Variants in KIF16B observed in about 807,000 individuals in gnomAD.
KIF16B encodes the protein kinesin family member 16B.
KIF16B carries 98 observed loss-of-function variants against 156.3 expected under a neutral mutation model. That is an observed-to-expected ratio of 0.63 (90% confidence interval 0.53 to 0.74). The LOEUF (loss-of-function observed/expected upper bound fraction) is 0.74, where lower values mean the gene tolerates loss of function less well. KIF16B is among the 30% of genes least tolerant of loss of function. The probability of loss-of-function intolerance (pLI) is 0.00; values close to 1 mark genes in which losing one functional copy is unlikely to be tolerated. For missense variants in KIF16B, 1,421 were observed against 1,606.5 expected (o/e 0.88, Z 1.97); for synonymous variants, 564 against 583.7 (o/e 0.97, Z 0.49).
intron 1 of KIF16B, among the ~76,000 whole-genome samples, chr20:16,531,653 C>T (rs2069754161): frequency 6.6e-6 from 1 of 152,182 alleles, no homozygotes; most frequent in African/African-American, 2.4e-5. Context: ...TCGGTAAAAT[C>T]CAGCCTGTGG....
At chr20:16,449,607 T>G (rs1356857274) in intron 12 of KIF16B, among the ~76,000 whole-genome samples, 2 of 151,984 alleles carry the variant, frequency 1.3e-5, no homozygotes, top group Non-Finnish European at 2.9e-5. Context: ...CTAAACCGAG[T>G]GGAAGCAAGC....
chr20:16,516,804 G>C (rs1256197870), intron 3 of KIF16B, among the ~76,000 whole-genome samples: 1 of 152,182 alleles, frequency 6.6e-6, no homozygotes, highest in Non-Finnish European at 1.5e-5. Flanking sequence ...CCAATGGCCA[G>C]GCCAGTAACC....
intron 1 of KIF16B, among the ~76,000 whole-genome samples, chr20:16,529,690 G>A (rs1473732504): frequency 6.6e-6 from 1 of 152,218 alleles, no homozygotes; most frequent in African/African-American, 2.4e-5. Flanking sequence ...GGTGGCTCAC[G>A]CCTGTAATCC....
At chr20:16,423,981 T>G (rs557941681) in intron 15 of KIF16B, among the ~76,000 whole-genome samples, 2 of 152,104 alleles carry the variant, frequency 1.3e-5, no homozygotes, top group African/African-American at 4.8e-5. Flanking sequence ...CAACCAATTA[T>G]GGTCACTTCC....
chr20:16,553,285 G>A lies in KIF16B; in HGVS notation c.47+19944C>T, dbSNP rs114730762. On this transcript the variant is annotated intron_variant, in intron 1 of 25. Transcript: ENST00000354981. ...CCTCAGTGCTGATGTCCTCTAGGGT[G>A]TTTCTCCAGCCCTCCCAAGGAGCTC... Among the ~76,000 whole-genome samples, 635 of 152,270 alleles carry A rather than the reference G, an allele frequency of 4.2e-3. 8 individuals are homozygous for A. Among genetic ancestry groups the A allele is most frequent in the African/African-American group, 0.014 (602 of 41,550 alleles).
intron 25 of KIF16B, among the ~76,000 whole-genome samples, chr20:16,280,841 C>CGT (rs1555833614): frequency 0.025 from 1,847 of 74,430 alleles, 19 homozygotes; most frequent in African/African-American, 0.029. Flanking sequence ...TGCGCGCGCA[C>CGT]GTGTGTGTGT....
chr20:16,453,983 C>T (rs887483059), intron 12 of KIF16B, among the ~76,000 whole-genome samples: 15 of 152,142 alleles, frequency 9.9e-5, no homozygotes, highest in South Asian at 2.1e-4. Flanking sequence ...CATGCACACA[C>T]GCATTATTCT....
intron 15 of KIF16B, among the ~76,000 whole-genome samples, chr20:16,407,215 C>T (rs768099959): frequency 2.0e-5 from 3 of 152,154 alleles, no homozygotes; most frequent in Non-Finnish European, 2.9e-5. Context: ...CTGTCTAAAG[C>T]GGGCACAGGT....
chr20:16,571,580 C>T (rs1600723220), intron 1 of KIF16B, among the ~76,000 whole-genome samples: 1 of 152,124 alleles, frequency 6.6e-6, no homozygotes, highest in East Asian at 1.9e-4. Flanking sequence ...CCCTTGTATC[C>T]CAGACAGCAC....
chr20:16,416,186 T>C (rs1473144148), intron 15 of KIF16B, among the ~76,000 whole-genome samples: 1 of 152,216 alleles, frequency 6.6e-6, no homozygotes, highest in Non-Finnish European at 1.5e-5. Context: ...TATATTTTCT[T>C]TTGCTGTGCA....
chr20:16,572,172 G>C (rs2071480837), intron 1 of KIF16B, among the ~76,000 whole-genome samples: 1 of 152,100 alleles, frequency 6.6e-6, no homozygotes, highest in African/African-American at 2.4e-5. Context: ...GAAAACACTG[G>C]GTTTTAATGA....
intron 24 of KIF16B, among the ~76,000 whole-genome samples, chr20:16,313,775 T>G (rs2063656643): frequency 6.6e-6 from 1 of 152,232 alleles, no homozygotes; most frequent in Non-Finnish European, 1.5e-5. Flanking sequence ...AGTTTGCTCA[T>G]TTTCACTGCA....
chr20:16,378,387 G>A (rs1268200952), intron 19 of KIF16B, among the ~76,000 whole-genome samples: 4 of 151,856 alleles, frequency 2.6e-5, no homozygotes, highest in African/African-American at 9.7e-5. Context: ...TAGATGCAAT[G>A]GAAGGGAGAG....
At chr20:16,359,643 T>C (rs2064512173) in intron 22 of KIF16B, among the ~76,000 whole-genome samples, 1 of 120,850 alleles carries the variant, frequency 8.3e-6, no homozygotes, top group Non-Finnish European at 1.6e-5. Flanking sequence ...CTCAGGATCA[T>C]AGATTCTTTA....
At chr20:16,273,469 T>A in intron 25 of KIF16B, 58 bp from the exon 26 acceptor site, 1 of 1,467,436 alleles carries the variant, frequency 6.8e-7, no homozygotes, top group Non-Finnish European at 9.5e-7. Context: ...GCGGGTGGGA[T>A]CGCTTGAGCT....
chr20:16,409,196 AAACAAGCTCTGAG>A (rs1191552570), intron 15 of KIF16B, among the ~76,000 whole-genome samples: 33 of 152,250 alleles, frequency 2.2e-4, no homozygotes, highest in Middle Eastern at 6.8e-3. Flanking sequence ...GTGGTGTCTA[AAACAAGCTCTGAG>A]AACAAGTTGG....
chr20:16,470,785 A>T (rs6043978), intron 12 of KIF16B, among the ~76,000 whole-genome samples: 37,333 of 151,620 alleles, frequency 0.25, 4,769 homozygotes, highest in African/African-American at 0.3. Context: ...GCATGAACCA[A>T]TGCACATGGC....
chr20:16,531,216 C>A (rs562068789), intron 1 of KIF16B, among the ~76,000 whole-genome samples: 1 of 152,144 alleles, frequency 6.6e-6, no homozygotes, highest in South Asian at 2.1e-4. Context: ...AATAAAAACT[C>A]AGTGGTCCCC....
At chr20:16,306,200 T>C (rs1347833346) in intron 25 of KIF16B, among the ~76,000 whole-genome samples, 1 of 152,156 alleles carries the variant, frequency 6.6e-6, no homozygotes, top group Non-Finnish European at 1.5e-5. Flanking sequence ...AAATCTAACA[T>C]CGCTTTAAAA....
Sources: gnomAD v4.1 joint callset for allele counts (sites outside exome capture counted in the v4.1 genomes callset) on GRCh38, gnomAD v4.1.1 for gene constraint, MANE v1.5 for transcripts, NCBI Gene and HGNC (gene_info 2026-07-23, HGNC 2026-07-21) for gene names.